The following CCNYL1 variants were observed in gnomAD, a reference collection of about 807,000 sequenced individuals.
The protein encoded by CCNYL1 is cyclin-Y-like protein 1.
A neutral mutation model predicts 44.2 loss-of-function variants in CCNYL1; 16 were observed. That is an observed-to-expected ratio of 0.36 (90% confidence interval 0.25 to 0.55). The LOEUF (loss-of-function observed/expected upper bound fraction) is 0.55, where lower values mean the gene tolerates loss of function less well. Ranked by LOEUF, CCNYL1 falls within the 20% of genes least tolerant of loss-of-function variation. CCNYL1 has a pLI of 0.85. For missense variants in CCNYL1, 348 were observed against 451.8 expected (o/e 0.77, Z 2.08); for synonymous variants, 159 against 163.2 (o/e 0.97, Z 0.20).
chr2:207,738,339 G>A (rs1320456048), intron 5 of CCNYL1, among the ~76,000 whole-genome samples: 3 of 151,776 alleles, frequency 2.0e-5, no homozygotes, highest in Non-Finnish European at 4.4e-5. Flanking sequence ...TCCTGCCTCG[G>A]GCTCCCGAGT....
At chr2:207,746,433 AC>A (rs1306604690) in intron 7 of CCNYL1, among the ~76,000 whole-genome samples, 1 of 152,218 alleles carries the variant, frequency 6.6e-6, no homozygotes, top group African/African-American at 2.4e-5. Context: ...TATTTATTGA[AC>A]AACTCTATTA....
intron 7 of CCNYL1, among the ~76,000 whole-genome samples, chr2:207,744,614 C>T (rs1465117739): frequency 6.6e-6 from 1 of 151,996 alleles, no homozygotes; most frequent in African/African-American, 2.4e-5. Context: ...AGGTGATCCG[C>T]CTACTTCGGC....
chr2:207,754,107 A>G lies in CCNYL1; in HGVS notation c.*409A>G, dbSNP rs2091914353. On this transcript the variant is annotated 3_prime_UTR_variant, in exon 10 of 10. Coordinates refer to ENST00000295414, the MANE Select transcript of CCNYL1 (RefSeq NM_001330218.2). ...TCTCCCTCCCCCCGCATTTTGCTGC[A>G]TATGCCTTTAAAATCAATGCAGTAT... The G allele has an allele frequency of 6.4e-6, 1 of 156,550 alleles. No individual in the cohort carries two copies. The highest frequency in any genetic ancestry group is 2.0e-4 in the South Asian group (1 of 5,038). The allele number at this position is 156,550 out of a possible 1,614,324, so 9.7% of individuals were successfully genotyped here.
Position 207,711,887 on chromosome 2 carries a change from G to C in CCNYL1, c.-10G>C. 1 of 1,374,202 alleles carries C rather than the reference G, an allele frequency of 7.3e-7. No homozygotes were observed. The highest frequency in any genetic ancestry group is 9.4e-7 in the Non-Finnish European group (1 of 1,060,136). The allele number at this position is 1,374,202 out of a possible 1,614,324, so 85.1% of individuals were successfully genotyped here. On this transcript the variant is annotated 5_prime_UTR_variant, in exon 1 of 10. Coordinates refer to ENST00000295414, the MANE Select transcript of CCNYL1 (RefSeq NM_001330218.2). Reference sequence around the variant, plus strand: ...GCGAAGGCGGTGGCAGAGAGGAGCGGAGGCTTCCCATGGGGAACACGCTGA... The same window carrying C: ...GCGAAGGCGGTGGCAGAGAGGAGCGCAGGCTTCCCATGGGGAACACGCTGA...
In CCNYL1 at chr2:207,735,869, A is replaced by C. The variant is rs139915825; in HGVS notation, c.432-1542A>C. ...ACAGAGCAAGACTCTGTCTCAAAAA[A>C]AAAACAAAACAAAACACACAAAAAG... On this transcript the variant is annotated intron_variant, in intron 4 of 9. Transcript: ENST00000295414. Among the ~76,000 whole-genome samples, 864 of 152,244 alleles carry C rather than the reference A, an allele frequency of 5.7e-3. 8 individuals are homozygous for C. The highest frequency in any genetic ancestry group is 0.017 in the African/African-American group (716 of 41,558).
chr2:207,718,237 G>T (rs565915605), intron 1 of CCNYL1, among the ~76,000 whole-genome samples: 1 of 152,048 alleles, frequency 6.6e-6, no homozygotes, highest in African/African-American at 2.4e-5. Context: ...AAGATCAGAC[G>T]GTGGCTCATG....
intron 2 of CCNYL1, among the ~76,000 whole-genome samples, chr2:207,726,246 T>A (rs959295605): frequency 1.3e-5 from 2 of 152,234 alleles, no homozygotes; most frequent in African/African-American, 4.8e-5. Context: ...TAAAATGATT[T>A]TATGTGCTGA....
chr2:207,733,282 A>C lies in CCNYL1; in HGVS notation c.331-665A>C, dbSNP rs192207676. ...GAGTGTTCTCTGAGGTTCTCATTTGAATAATGTAATGGCAGTTTTATTTAA... is the reference window on the plus strand; with the variant it reads ...GAGTGTTCTCTGAGGTTCTCATTTGCATAATGTAATGGCAGTTTTATTTAA... On this transcript the variant is annotated intron_variant, in intron 3 of 9. Coordinates refer to ENST00000295414, the MANE Select transcript of CCNYL1 (RefSeq NM_001330218.2). 2.2e-3 allele frequency among the ~76,000 whole-genome samples: 333 copies of C among 152,358 alleles called. 2 individuals carry two copies. The highest frequency in any genetic ancestry group is 7.7e-3 in the African/African-American group (322 of 41,582).
At chr2:207,731,934 C>G (rs928520207) in intron 3 of CCNYL1, among the ~76,000 whole-genome samples, 2 of 151,796 alleles carry the variant, frequency 1.3e-5, no homozygotes, top group African/African-American at 4.8e-5. Context: ...CTCGGCCTCC[C>G]GAGTAGTTGG....
intron 4 of CCNYL1, among the ~76,000 whole-genome samples, chr2:207,735,737 T>G (rs552286165): frequency 7.2e-5 from 11 of 152,116 alleles, no homozygotes; most frequent in Admixed American, 5.9e-4. Flanking sequence ...CGTGGTGGCG[T>G]GCACCTGTAA....
chr2:207,716,554 T>C (rs993118673), intron 1 of CCNYL1, among the ~76,000 whole-genome samples: 17 of 152,208 alleles, frequency 1.1e-4, no homozygotes, highest in Non-Finnish European at 2.1e-4. Context: ...CTCCAAGATA[T>C]CTTTCCATGC....
At chr2:207,735,274 T>C (rs536204627) in intron 4 of CCNYL1, among the ~76,000 whole-genome samples, 23 of 152,358 alleles carry the variant, frequency 1.5e-4, no homozygotes, top group Admixed American at 1.2e-3. Context: ...AATTGACTTT[T>C]AGGAAAGATT....
intron 1 of CCNYL1, among the ~76,000 whole-genome samples, chr2:207,723,840 A>ACT (rs2091659690): frequency 7.1e-6 from 1 of 141,204 alleles, no homozygotes; most frequent in Admixed American, 7.7e-5. Context: ...GTGCCACTGC[A>ACT]CTCCAGCCTG....
In CCNYL1 at chr2:207,713,051, T is replaced by C. The variant is rs375159938; in HGVS notation, c.220+935T>C. Among the ~76,000 whole-genome samples, 27 of 152,178 alleles carry C rather than the reference T, an allele frequency of 1.8e-4. 1 individual carries two copies. The highest frequency in any genetic ancestry group is 6.0e-4 in the African/African-American group (25 of 41,524). On this transcript the variant is annotated intron_variant, in intron 1 of 9. Transcript: ENST00000295414. ...GGCTGGTCTCTAACTCCAGAGTTCT[T>C]GATCCGCCCGCCTCGGCCTCCCAAA...
chr2:207,743,324 A>C (rs140938585), intron 7 of CCNYL1, among the ~76,000 whole-genome samples: 4 of 152,216 alleles, frequency 2.6e-5, no homozygotes, highest in African/African-American at 7.2e-5. Flanking sequence ...TTTAAGCTCT[A>C]TGTGCCTGTG....
At chr2:207,737,966 C>G (rs2091778213) in intron 5 of CCNYL1, among the ~76,000 whole-genome samples, 1 of 151,818 alleles carries the variant, frequency 6.6e-6, no homozygotes, top group African/African-American at 2.4e-5. Context: ...TAGTGTCCAG[C>G]TTAACAGAAA....
chr2:207,714,610 C>G lies in CCNYL1; in HGVS notation c.220+2494C>G, dbSNP rs186641909. 6.7e-5 allele frequency: 14 copies of G among 209,410 alleles called. No individual in the cohort carries two copies. The East Asian group carries it at 1.9e-3, about 28-fold the overall frequency. 13.0% of individuals were successfully genotyped at this position (209,410 alleles called of 1,614,324 possible). On this transcript the variant is annotated intron_variant, in intron 1 of 9. Coordinates refer to ENST00000295414, the MANE Select transcript of CCNYL1 (RefSeq NM_001330218.2). ...GAATTGAAGCTGAGAATGCACTGGACAGAGGAATATTAGAAGCTGGCAAGA... is the reference window on the plus strand; with the variant it reads ...GAATTGAAGCTGAGAATGCACTGGAGAGAGGAATATTAGAAGCTGGCAAGA...
rs1235860681 is a variant in CCNYL1 at position 207,711,960 on chromosome 2, G to A, written c.64G>A (p.Gly22Arg). The A allele has an allele frequency of 7.1e-7, 1 of 1,402,108 alleles. No individual in the cohort carries two copies. The highest frequency in any genetic ancestry group is 9.3e-7 in the Non-Finnish European group (1 of 1,075,404). 86.9% of individuals were successfully genotyped at this position (1,402,108 alleles called of 1,614,324 possible). The change falls in exon 1 of 10, where the codon GGG becomes AGG. Residue 22 changes from glycine (G) to arginine (R), a missense_variant. Physicochemically the swap from Gly to Arg is moderately radical, Grantham distance 125. This residue lies in a region of CCNYL1 where 209 missense variants were observed against 247.7 expected (regional missense o/e 0.84). Coordinates refer to ENST00000295414, the MANE Select transcript of CCNYL1 (RefSeq NM_001330218.2). ...NASPKLGRRA[G>R]SAELYCASDI... ...CAGCCCCAAGCTGGGCCGGCGCGCG[G>A]GGTCGGCGGAGCTGTACTGCGCGTC...
chr2:207,732,272 T>C (rs982929166), intron 3 of CCNYL1, among the ~76,000 whole-genome samples: 1 of 152,234 alleles, frequency 6.6e-6, no homozygotes, highest in African/African-American at 2.4e-5. Flanking sequence ...AGTTTAGATA[T>C]AGTTGAAAAC....
Sources: gnomAD v4.1 joint callset for allele counts (sites outside exome capture counted in the v4.1 genomes callset) on GRCh38, gnomAD v4.1.1 for gene constraint, gnomAD v4.1.1 regional missense constraint, MANE v1.5 for transcripts, NCBI Gene and HGNC (gene_info 2026-07-23, HGNC 2026-07-21) for gene names.